ATG16L2: variants seen among roughly 807,000 people sequenced by gnomAD.
The protein encoded by ATG16L2 is autophagy related 16 like 2.
ATG16L2 carries 77 observed loss-of-function variants against 84.7 expected under a neutral mutation model. The observed-to-expected ratio is 0.91, with a 90% confidence interval of 0.76 to 1.10. The LOEUF is 1.10. Among genes scored for constraint, ATG16L2 ranks in the 50% least tolerant of loss-of-function variants. The probability of loss-of-function intolerance (pLI) is 0.00; values close to 1 mark genes in which losing one functional copy is unlikely to be tolerated. For missense variants in ATG16L2, 782 were observed against 817.6 expected (o/e 0.96, Z 0.53); for synonymous variants, 361 against 342.8 (o/e 1.05, Z -0.59).
intron 14 of ATG16L2, 137 bp from the exon 15 acceptor site, chr11:72,828,222 C>A: frequency 2.2e-6 from 2 of 918,364 alleles, no homozygotes; most frequent in Non-Finnish European, 3.3e-6. Flanking sequence ...TCACTCGCAG[C>A]CTTTACCCCA....
chr11:72,825,168 A>G, intron 9 of ATG16L2, 134 bp from the exon 10 acceptor site: 1 of 697,688 alleles, frequency 1.4e-6, no homozygotes, highest in Non-Finnish European at 2.4e-6. Flanking sequence ...CAGAGTGTGG[A>G]CAGAGAAACT....
intron 5 of ATG16L2, among the ~76,000 whole-genome samples, chr11:72,842,427 G>C (rs140147424): frequency 1.3e-5 from 2 of 152,350 alleles, no homozygotes; most frequent in Non-Finnish European, 2.9e-5. Context: ...GGAGGTGTGG[G>C]AGGATGGCCA....
At position 72,822,171 on chromosome 11, in the gene ATG16L2, G is replaced by C. The variant is rs1248396813; in HGVS notation, c.520G>C (p.Val174Leu). ...AGCCTACGAGGCGCTGCGCGCGCAC[G>C]TCGGGCTCCGGGAGGCGGCACTGCG... ...RAAYEALRAH[V>L]GLREAALRRL... The change falls in exon 5 of 18, where the codon GTC becomes CTC. Residue 174 changes from valine to leucine, a missense_variant. Coordinates refer to ENST00000321297, the MANE Select transcript of ATG16L2 (RefSeq NM_033388.2). The surrounding 1 kb of genome is among the most constrained non-coding windows in gnomAD (Gnocchi z 4.2). 6.7e-6 allele frequency: 10 copies of C among 1,494,766 alleles called. No individual in the cohort carries two copies. The highest frequency in any genetic ancestry group is 4.7e-5 in the Admixed American group (2 of 43,006). The allele number at this position is 1,494,766 out of a possible 1,614,324, so 92.6% of individuals were successfully genotyped here.
At chr11:72,821,857 C>T in intron 4 of ATG16L2, 116 bp downstream of exon 4, 3 of 1,440,924 alleles carry the variant, frequency 2.1e-6, no homozygotes, top group Non-Finnish European at 2.8e-6. Context: ...GTCCCCCCGA[C>T]CCCATCGGTT....
intron 15 of ATG16L2, 105 bp downstream of exon 15, chr11:72,828,613 A>T (rs1860500295): frequency 1.3e-6 from 2 of 1,589,626 alleles, no homozygotes. Flanking sequence ...GCCCCTCCAG[A>T]CCAGGTCCTG....
At position 72,821,663 on chromosome 11, in the gene ATG16L2, C is replaced by T. The variant is rs11235603; in HGVS notation, c.319-5C>T. On this transcript the variant is annotated splice_region_variant and splice_polypyrimidine_tract_variant and intron_variant, in intron 3 of 17. Coordinates refer to ENST00000321297, the MANE Select transcript of ATG16L2 (RefSeq NM_033388.2). ...GCGCCGCCGTGCCCACCTGTCCGCC[C>T]CCAGATGGCCTACCAGGTGGTGGAG... 1,533,324 of 1,534,390 alleles carry T rather than the reference C, an allele frequency of 1. 766,133 individuals carry two copies. The highest frequency in any genetic ancestry group is 1 in the East Asian group (40,830 of 40,830).
rs114835258 is a variant in ATG16L2 at position 72,823,429 on chromosome 11, T to G, written c.824+468T>G. On this transcript the variant is annotated intron_variant, in intron 7 of 17. Transcript: ENST00000321297. ...TGTGCTCACACTTGTGGGACCTGAT[T>G]GGGGCTTCAGACCTTGGGTGCCTGT... The G allele has an allele frequency of 1.4e-3, 468 of 337,614 alleles. 2 individuals are homozygous for G. Among genetic ancestry groups the G allele is most frequent in the African/African-American group, 9.5e-3 (438 of 46,058 alleles). The allele number at this position is 337,614 out of a possible 1,614,324, so 20.9% of individuals were successfully genotyped here. A position where few individuals can be genotyped will look rare whatever the true frequency, so the allele number is the denominator to read the frequency against.
intron 12 of ATG16L2, 55 bp from the exon 13 acceptor site, chr11:72,826,648 G>A (rs2135117952): frequency 1.2e-6 from 2 of 1,614,104 alleles, no homozygotes; most frequent in Non-Finnish European, 1.7e-6. Flanking sequence ...GGACTAGGGG[G>A]CCTGTTATGG....
chr11:72,825,667 T>TG (rs949171381), intron 10 of ATG16L2, among the ~76,000 whole-genome samples: 1 of 152,164 alleles, frequency 6.6e-6, no homozygotes, highest in South Asian at 2.1e-4. Context: ...TGGGGATTGG[T>TG]GGGGGTCCCC....
chr11:72,815,845 A>C (rs1467215364), intron 1 of ATG16L2: 1 of 152,246 alleles, frequency 6.6e-6, no homozygotes, highest in Non-Finnish European at 1.5e-5. Context: ...GAAAAGAGGA[A>C]GTGACTGTTG....
chr11:72,832,205 T>A (rs1860620776), downstream of ATG16L2, among the ~76,000 whole-genome samples: 1 of 152,078 alleles, frequency 6.6e-6, no homozygotes, highest in Non-Finnish European at 1.5e-5. Context: ...CCAGAGGAGG[T>A]GCTCAGGAAA....
At chr11:72,828,818 G>C (rs1475204746) in intron 16 of ATG16L2, 42 bp downstream of exon 16, 1 of 1,613,938 alleles carries the variant, frequency 6.2e-7, no homozygotes, top group East Asian at 2.2e-5. Flanking sequence ...AGTGTGCCCT[G>C]CCGGACCCTG....
At chr11:72,827,392 G>A (rs774334012) in intron 14 of ATG16L2, 99 bp downstream of exon 14, 38 of 1,003,228 alleles carry the variant, frequency 3.8e-5, no homozygotes, top group Non-Finnish European at 5.5e-5. Context: ...AGTCTTGGTG[G>A]CACTTTGGGC....
intron 5 of ATG16L2, chr11:72,840,931 T>G (rs139969359): frequency 6.2e-7 from 1 of 1,613,230 alleles, no homozygotes; most frequent in African/African-American, 1.3e-5. Flanking sequence ...CCTGTGAGAA[T>G]CCTGGTGACT....
At chr11:72,828,215 C>G (rs1860476804) in intron 14 of ATG16L2, 144 bp from the exon 15 acceptor site, 4 of 829,710 alleles carry the variant, frequency 4.8e-6, no homozygotes, top group Admixed American at 2.8e-5. Context: ...AGATGAGTCA[C>G]TCGCAGCCTT....
chr11:72,824,810 G>A lies in ATG16L2; in HGVS notation c.964G>A (p.Ala322Thr). 1 of 1,603,862 alleles carries A rather than the reference G, an allele frequency of 6.2e-7. No individual in the cohort carries two copies. The highest frequency in any genetic ancestry group is 8.5e-7 in the Non-Finnish European group (1 of 1,174,968). Reference sequence around the variant, plus strand: ...CCAGATCATCCCTGTGTGTGTGGCTGCCCGACTTCCTACCCGGGCTCAGGA... The same window carrying A: ...CCAGATCATCCCTGTGTGTGTGGCTACCCGACTTCCTACCCGGGCTCAGGA... Reference protein sequence around the residue: ...RYQIIPVCVAARLPTRAQDVL... With the variant: ...RYQIIPVCVATRLPTRAQDVL... Residue 322 changes from alanine to threonine, a missense_variant, in exon 9 of 18, where the codon GCC becomes ACC. Ala to Thr is a moderately conservative substitution (Grantham distance 58). Coordinates refer to ENST00000321297, the MANE Select transcript of ATG16L2 (RefSeq NM_033388.2).
chr11:72,818,847 G>A (rs532201176), intron 3 of ATG16L2: 5 of 152,186 alleles, frequency 3.3e-5, no homozygotes, highest in African/African-American at 7.2e-5. Context: ...GATAGCCCAG[G>A]AAATACACAT....
At chr11:72,842,609 C>G in intron 5 of ATG16L2, 1 of 1,613,904 alleles carries the variant, frequency 6.2e-7, no homozygotes, top group Non-Finnish European at 8.5e-7. Context: ...AACTGTCTCC[C>G]CTCTCAGGTA....
chr11:72,827,230 T>G lies in ATG16L2; in HGVS notation c.1409T>G (p.Val470Gly). The G allele has an allele frequency of 6.2e-7, 1 of 1,614,028 alleles. No homozygotes were observed. Among genetic ancestry groups the G allele is most frequent in the Non-Finnish European group, 8.5e-7 (1 of 1,180,006 alleles). The change falls in exon 14 of 18, where the codon GTG (valine) becomes GGG (glycine). Residue 470 changes from valine (V) to glycine (G), a missense_variant. By Grantham distance (109) the Val-to-Gly change is moderately radical. Coordinates refer to ENST00000321297, the MANE Select transcript of ATG16L2 (RefSeq NM_033388.2). ...INVLSYCNDV[V>G]CGDHIIISGH... ...GTCCTTTCCTACTGTAATGACGTGGTGTGTGGGGACCATATCATCATTAGT... is the reference window on the plus strand; with the variant it reads ...GTCCTTTCCTACTGTAATGACGTGGGGTGTGGGGACCATATCATCATTAGT...
Sources: allele counts gnomAD v4.1 joint callset (sites outside exome capture counted in the v4.1 genomes callset), GRCh38; gene constraint gnomAD v4.1.1; non-coding constraint Gnocchi (gnomAD v3.1); transcripts MANE v1.5; gene names NCBI Gene and HGNC (gene_info 2026-07-23, HGNC 2026-07-21).